The following WWOX variants were observed in gnomAD, a reference collection of about 807,000 sequenced individuals.
The protein encoded by WWOX is WW domain-containing oxidoreductase.
Under a neutral mutation model 46.2 loss-of-function variants are expected in WWOX, and 69 were observed. The ratio of observed to expected loss-of-function variants is 1.49; its 90% CI spans 1.23 to 1.82. The LOEUF (loss-of-function observed/expected upper bound fraction) is 1.82. Ranked by LOEUF, WWOX falls within the 40% of genes most tolerant of loss-of-function variation. The pLI, the probability that WWOX is intolerant of heterozygous loss-of-function variation, is 0.00. For missense variants in WWOX, 919 were observed against 542.6 expected, an observed-to-expected ratio of 1.69 and a Z score of -6.89; for synonymous variants, 359 against 202.6, an observed-to-expected ratio of 1.77 and a Z score of -6.56.
chr16:79,212,065 G>T lies in WWOX; in HGVS notation c.*269G>T. The T allele has an allele frequency of 6.5e-7, 1 of 1,536,472 alleles. No homozygotes were observed. The highest frequency in any genetic ancestry group is 8.7e-7 in the Non-Finnish European group (1 of 1,146,948). Reference sequence around the variant, plus strand: ...GTTTGAAAGTAAAAACCTGCTTGGTGTGTAGGTTCCGTATCTCCCTGGAGA... The same window carrying T: ...GTTTGAAAGTAAAAACCTGCTTGGTTTGTAGGTTCCGTATCTCCCTGGAGA... On this transcript the variant is annotated 3_prime_UTR_variant, in exon 9 of 9. Transcript: ENST00000566780.
intron 8 of WWOX, among the ~76,000 whole-genome samples, chr16:79,047,672 ATTTTTTTTTT>A (rs71140858): frequency 7.1e-4 from 38 of 53,542 alleles, no homozygotes; most frequent in South Asian, 1.0e-3. Flanking sequence ...GACTGTCCTG[ATTTTTTTTTT>A]TTTTTTTTTT....
intron 8 of WWOX, among the ~76,000 whole-genome samples, chr16:78,811,597 C>T (rs943623325): frequency 1.3e-5 from 2 of 151,996 alleles, no homozygotes; most frequent in East Asian, 1.9e-4. Flanking sequence ...TCTCAAGCTC[C>T]TGACCTCAGG....
At chr16:78,732,797 A>T (rs564637187) in intron 8 of WWOX, among the ~76,000 whole-genome samples, 1 of 152,298 alleles carries the variant, frequency 6.6e-6, no homozygotes, top group African/African-American at 2.4e-5. Context: ...TGGTTTTGGA[A>T]TCTCTGGCAG....
chr16:78,432,265 C>A (rs573266916), intron 7 of WWOX, among the ~76,000 whole-genome samples: 1 of 152,094 alleles, frequency 6.6e-6, no homozygotes, highest in South Asian at 2.1e-4. Flanking sequence ...GCCACCACAC[C>A]TGGCTAATTT....
intron 5 of WWOX, among the ~76,000 whole-genome samples, chr16:78,324,305 G>A (rs2080559704): frequency 1.3e-5 from 2 of 152,184 alleles, no homozygotes; most frequent in South Asian, 4.1e-4. Flanking sequence ...GGTGTTGCTG[G>A]GAATGTGGAG....
At chr16:79,002,730 G>C (rs1459556037) in intron 8 of WWOX, among the ~76,000 whole-genome samples, 1 of 152,148 alleles carries the variant, frequency 6.6e-6, no homozygotes, top group Non-Finnish European at 1.5e-5. Flanking sequence ...GGTGAAAACT[G>C]ACACTTAGTT....
chr16:78,724,867 G>A (rs1174836859), intron 8 of WWOX, among the ~76,000 whole-genome samples: 1 of 152,152 alleles, frequency 6.6e-6, no homozygotes, highest in Non-Finnish European at 1.5e-5. Flanking sequence ...TTCCTCAAGG[G>A]CAATTGTGTT....
At chr16:78,458,756 A>G (rs986879101) in intron 8 of WWOX, among the ~76,000 whole-genome samples, 3 of 152,188 alleles carry the variant, frequency 2.0e-5, no homozygotes, top group South Asian at 2.1e-4. Flanking sequence ...AAGTATATAT[A>G]TAAATACCAG....
At chr16:78,146,262 T>C (rs1020514301) in intron 4 of WWOX, among the ~76,000 whole-genome samples, 1 of 152,164 alleles carries the variant, frequency 6.6e-6, no homozygotes, top group African/African-American at 2.4e-5. Flanking sequence ...GTTGGAATCC[T>C]CTGTTAGGGT....
intron 8 of WWOX, among the ~76,000 whole-genome samples, chr16:78,964,855 C>G (rs560273756): frequency 1.6e-4 from 25 of 152,300 alleles, no homozygotes; most frequent in Admixed American, 1.0e-3. Flanking sequence ...CCCAGCCACT[C>G]CAGTCATGGC....
chr16:79,153,219 C>T (rs184940313), intron 8 of WWOX, among the ~76,000 whole-genome samples: 11 of 152,252 alleles, frequency 7.2e-5, no homozygotes, highest in Admixed American at 6.5e-4. Flanking sequence ...AGCGTAGTGG[C>T]TTGCGAAAAG....
intron 8 of WWOX, among the ~76,000 whole-genome samples, chr16:78,786,203 C>G (rs2050452200): frequency 6.6e-6 from 1 of 152,212 alleles, no homozygotes; most frequent in African/African-American, 2.4e-5. Context: ...AGCCACCGCG[C>G]CTGGCCTGAA....
intron 6 of WWOX, among the ~76,000 whole-genome samples, chr16:78,412,100 T>G (rs902964318): frequency 3.3e-5 from 5 of 152,112 alleles, no homozygotes; most frequent in Non-Finnish European, 5.9e-5. Flanking sequence ...AGTGCCTACC[T>G]CTGTGGAGAA....
At chr16:78,189,119 C>A (rs1417629198) in intron 5 of WWOX, among the ~76,000 whole-genome samples, 1 of 152,080 alleles carries the variant, frequency 6.6e-6, no homozygotes, top group Non-Finnish European at 1.5e-5. Flanking sequence ...GGTAGAGTTG[C>A]AAGACATGGG....
At chr16:78,834,851 T>C (rs986380420) in intron 8 of WWOX, among the ~76,000 whole-genome samples, 8 of 152,218 alleles carry the variant, frequency 5.3e-5, no homozygotes, top group African/African-American at 2.4e-5. Context: ...TTTTTCATGA[T>C]TGTTCGTAAT....
In WWOX at chr16:78,885,922, G is replaced by T. The variant is rs185269702; in HGVS notation, c.1057-325686G>T. On this transcript the variant is annotated intron_variant, in intron 8 of 8. Coordinates refer to ENST00000566780, the MANE Select transcript of WWOX (RefSeq NM_016373.4). ...ACATCCACGTACAGGGATGGGGATGGAATTTTTTTTTTTTTTTTTTGAGAC... is the reference window on the plus strand; with the variant it reads ...ACATCCACGTACAGGGATGGGGATGTAATTTTTTTTTTTTTTTTTTGAGAC... 1.1e-4 allele frequency among the ~76,000 whole-genome samples: 13 copies of T among 122,210 alleles called. No homozygotes were observed. The East Asian group carries it at 3.1e-3, about 29-fold the overall frequency. 80.2% of individuals were successfully genotyped at this position (122,210 alleles called of 152,430 possible). A position where few individuals can be genotyped will look rare whatever the true frequency, so the allele number is the denominator to read the frequency against.
intron 8 of WWOX, among the ~76,000 whole-genome samples, chr16:79,194,490 C>T (rs1221299263): frequency 1.3e-5 from 2 of 152,158 alleles, no homozygotes; most frequent in Non-Finnish European, 2.9e-5. Flanking sequence ...GAAGTGACGG[C>T]TGAACTTTGT....
At chr16:78,564,849 CCT>C (rs1445283389) in intron 8 of WWOX, among the ~76,000 whole-genome samples, 3 of 151,918 alleles carry the variant, frequency 2.0e-5, no homozygotes. Context: ...TCTTTTCTTT[CCT>C]CTTTTTCTTT....
chr16:78,289,926 A>C (rs1188467505), intron 5 of WWOX, among the ~76,000 whole-genome samples: 2 of 152,188 alleles, frequency 1.3e-5, no homozygotes, highest in Admixed American at 6.5e-5. Context: ...CCACTTAAAA[A>C]ATTTTTCTAA....
Sources: allele counts gnomAD v4.1 joint callset (sites outside exome capture counted in the v4.1 genomes callset), GRCh38; gene constraint gnomAD v4.1.1; transcripts MANE v1.5; gene names NCBI Gene and HGNC (gene_info 2026-07-23, HGNC 2026-07-21).